PTPRD: variants seen among roughly 807,000 people sequenced by gnomAD.
The protein encoded by PTPRD is receptor-type tyrosine-protein phosphatase delta.
In PTPRD, 34 loss-of-function variants were observed where a neutral mutation model predicts 214.5. The ratio of observed to expected loss-of-function variants is 0.16; its 90% CI spans 0.12 to 0.21. PTPRD has a LOEUF of 0.21. Ranked by LOEUF, PTPRD falls within the 10% of genes least tolerant of loss-of-function variation. The pLI is 1.00. For synonymous variants in PTPRD, 1,128 were observed against 845.7 expected, an observed-to-expected ratio of 1.33 and a Z score of -5.79; for missense variants, 2,545 against 2,398.7, an observed-to-expected ratio of 1.06 and a Z score of -1.27.
At chr9:9,248,280 GATGGGGTTTCACC>G (rs1333068032) in intron 9 of PTPRD, among the ~76,000 whole-genome samples, 1 of 151,906 alleles carries the variant, frequency 6.6e-6, no homozygotes. Flanking sequence ...TTTTAGTAGA[GATGGGGTTTCACC>G]ATGTGGGCCA....
intron 11 of PTPRD, among the ~76,000 whole-genome samples, chr9:8,747,534 A>T (rs937063081): frequency 1.3e-5 from 2 of 152,158 alleles, no homozygotes; most frequent in Non-Finnish European, 2.9e-5. Flanking sequence ...TATTAAAGCC[A>T]AAAGAGCCAC....
intron 5 of PTPRD, among the ~76,000 whole-genome samples, chr9:9,831,530 T>C (rs2054836117): frequency 6.6e-6 from 1 of 151,854 alleles, no homozygotes; most frequent in South Asian, 2.1e-4. Flanking sequence ...TCTGATAGGG[T>C]TGCTCATCGT....
intron 3 of PTPRD, among the ~76,000 whole-genome samples, chr9:10,212,051 T>C (rs1261255554): frequency 6.6e-6 from 1 of 152,120 alleles, no homozygotes; most frequent in African/African-American, 2.4e-5. Flanking sequence ...AAATATGACT[T>C]GGAGAACAGT....
chr9:8,718,693 G>A (rs1003063999), intron 12 of PTPRD, among the ~76,000 whole-genome samples: 3 of 152,042 alleles, frequency 2.0e-5, no homozygotes, highest in Non-Finnish European at 2.9e-5. Flanking sequence ...AAGAATATAG[G>A]TATGCCCTTC....
chr9:10,607,324 G>A (rs1224001113), intron 2 of PTPRD, among the ~76,000 whole-genome samples: 1 of 151,782 alleles, frequency 6.6e-6, no homozygotes, highest in Non-Finnish European at 1.5e-5. Context: ...TAATTAGAGA[G>A]CAATTTGTTA....
chr9:9,379,336 C>G (rs185718877), intron 9 of PTPRD, among the ~76,000 whole-genome samples: 3 of 151,336 alleles, frequency 2.0e-5, no homozygotes, highest in Admixed American at 6.6e-5. Context: ...CGTCAAAAAC[C>G]ATTTAATTGT....
intron 12 of PTPRD, among the ~76,000 whole-genome samples, chr9:8,666,332 T>C (rs941904427): frequency 2.0e-5 from 3 of 152,228 alleles, no homozygotes; most frequent in African/African-American, 7.2e-5. Context: ...ATGAAATGGT[T>C]TGTTCAGAAG....
At chr9:10,250,135 C>A (rs1367087922) in intron 3 of PTPRD, among the ~76,000 whole-genome samples, 1 of 151,956 alleles carries the variant, frequency 6.6e-6, no homozygotes, top group Non-Finnish European at 1.5e-5. Flanking sequence ...GATTATGATA[C>A]CTTTAGCACA....
intron 9 of PTPRD, among the ~76,000 whole-genome samples, chr9:9,189,792 G>T (rs578223438): frequency 6.6e-6 from 1 of 152,140 alleles, no homozygotes; most frequent in African/African-American, 2.4e-5. Flanking sequence ...AGGTGGATGT[G>T]AAATATATTA....
intron 12 of PTPRD, among the ~76,000 whole-genome samples, chr9:8,674,807 A>G (rs2097367089): frequency 6.6e-6 from 1 of 152,092 alleles, no homozygotes; most frequent in South Asian, 2.1e-4. Flanking sequence ...ATGAGCTTAT[A>G]CTTCACTATT....
At chr9:8,445,769 A>G (rs1217571746) in intron 34 of PTPRD, among the ~76,000 whole-genome samples, 2 of 152,218 alleles carry the variant, frequency 1.3e-5, no homozygotes, top group Admixed American at 1.3e-4. Flanking sequence ...TATGCTCAAT[A>G]AGAGAAAAAT....
intron 3 of PTPRD, among the ~76,000 whole-genome samples, chr9:10,331,910 A>G (rs570164367): frequency 6.6e-6 from 1 of 151,830 alleles, no homozygotes; most frequent in Non-Finnish European, 1.5e-5. Flanking sequence ...CATCTAGGAA[A>G]TATTTACTGA....
chr9:10,358,190 G>A (rs1224773991), intron 2 of PTPRD, among the ~76,000 whole-genome samples: 1 of 151,952 alleles, frequency 6.6e-6, no homozygotes, highest in Non-Finnish European at 1.5e-5. Flanking sequence ...AAAATAGCAT[G>A]GTGAGATAAT....
At chr9:10,439,673 A>G (rs983593130) in intron 2 of PTPRD, among the ~76,000 whole-genome samples, 11 of 151,844 alleles carry the variant, frequency 7.2e-5, no homozygotes, top group Non-Finnish European at 1.2e-4. Flanking sequence ...AACAACAACA[A>G]AAAATAAAAA....
chr9:8,478,430 T>G (rs781079202), intron 30 of PTPRD, among the ~76,000 whole-genome samples: 16 of 152,354 alleles, frequency 1.1e-4, no homozygotes, highest in Non-Finnish European at 2.4e-4. Flanking sequence ...ATACCCTTAT[T>G]CTTTATTTCA....
intron 10 of PTPRD, among the ~76,000 whole-genome samples, chr9:9,175,233 C>T (rs890833137): frequency 6.6e-6 from 1 of 152,058 alleles, no homozygotes; most frequent in Non-Finnish European, 1.5e-5. Context: ...TTCATGTTAC[C>T]CTGTTCATCA....
At chr9:9,794,860 G>A (rs2098992036) in intron 5 of PTPRD, among the ~76,000 whole-genome samples, 1 of 152,214 alleles carries the variant, frequency 6.6e-6, no homozygotes, top group Non-Finnish European at 1.5e-5. Context: ...TTTACTGGCA[G>A]TGCTAAATTA....
chr9:9,633,449 T>C (rs1312374307), intron 7 of PTPRD, among the ~76,000 whole-genome samples: 1 of 152,178 alleles, frequency 6.6e-6, no homozygotes, highest in African/African-American at 2.4e-5. Flanking sequence ...TCTAGGCATG[T>C]TTTCAAAATA....
intron 8 of PTPRD, among the ~76,000 whole-genome samples, chr9:9,520,965 T>C (rs919857402): frequency 1.3e-5 from 2 of 152,172 alleles, no homozygotes; most frequent in Non-Finnish European, 2.9e-5. Context: ...GTAAAAATTG[T>C]AGATTTGTAG....
Sources: gnomAD v4.1 joint callset for allele counts (sites outside exome capture counted in the v4.1 genomes callset) on GRCh38, gnomAD v4.1.1 for gene constraint, MANE v1.5 for transcripts, NCBI Gene and HGNC (gene_info 2026-07-23, HGNC 2026-07-21) for gene names.